The following MEIKIN variants were observed in gnomAD, a reference collection of about 807,000 sequenced individuals.
The protein encoded by MEIKIN is meiotic kinetochore factor.
intron 5 of MEIKIN, among the ~76,000 whole-genome samples, chr5:131,928,568 A>G (rs1033935229): frequency 6.6e-6 from 1 of 152,140 alleles, no homozygotes; most frequent in African/African-American, 2.4e-5. Flanking sequence ...CACAATTTAT[A>G]TATTTTATGT....
chr5:131,845,366 A>T (rs889815486), intron 11 of MEIKIN, among the ~76,000 whole-genome samples: 1 of 151,356 alleles, frequency 6.6e-6, no homozygotes. Context: ...ATATTCAAAC[A>T]TCCAGTTTTT....
chr5:131,881,367 T>C (rs1404538717), intron 8 of MEIKIN, among the ~76,000 whole-genome samples: 1 of 152,188 alleles, frequency 6.6e-6, no homozygotes, highest in East Asian at 1.9e-4. Context: ...CTGGTTTTCC[T>C]ACTACAGCAC....
At chr5:131,863,866 T>C in intron 9 of MEIKIN, among the ~76,000 whole-genome samples, 1 of 152,154 alleles carries the variant, frequency 6.6e-6, no homozygotes, top group East Asian at 1.9e-4. Flanking sequence ...GCACAAGCTC[T>C]CTCTGCCTGC....
intron 11 of MEIKIN, among the ~76,000 whole-genome samples, chr5:131,843,497 G>A (rs1417702637): frequency 1.3e-5 from 2 of 152,210 alleles, no homozygotes; most frequent in Non-Finnish European, 2.9e-5. Flanking sequence ...GCCAAGCCAC[G>A]TCTTGAATGC....
chr5:131,932,170 G>A (rs1473269899), intron 5 of MEIKIN, among the ~76,000 whole-genome samples: 1 of 152,192 alleles, frequency 6.6e-6, no homozygotes. Context: ...CATTGGGTGA[G>A]CAGATCCCAT....
At chr5:131,874,299 A>C (rs951113756) in intron 9 of MEIKIN, among the ~76,000 whole-genome samples, 3 of 152,238 alleles carry the variant, frequency 2.0e-5, no homozygotes, top group Admixed American at 2.0e-4. Context: ...TGCAATAGAA[A>C]ATGATAAAGG....
At chr5:131,893,413 G>C (rs1007804488) in intron 8 of MEIKIN, among the ~76,000 whole-genome samples, 6 of 152,242 alleles carry the variant, frequency 3.9e-5, no homozygotes, top group African/African-American at 7.2e-5. Flanking sequence ...TAATCTCCTG[G>C]TGTGCCATTT....
At chr5:131,902,339 G>A (rs546353207) in intron 8 of MEIKIN, among the ~76,000 whole-genome samples, 3 of 152,192 alleles carry the variant, frequency 2.0e-5, no homozygotes, top group African/African-American at 4.8e-5. Flanking sequence ...AGGCTGAAGT[G>A]GGAGGATCAC....
rs895432753 is a variant in MEIKIN, at chr5:131,945,639, G to C, written c.-134C>G. ...CGGAGCAGCCTCACAGCAACTAATC[G>C]AGCGAAAGCAAAAGCCCCAGAACTG... On this transcript the variant is annotated 5_prime_UTR_variant, in exon 1 of 13. Transcript: ENST00000442687. The C allele has an allele frequency of 2.5e-5, 10 of 395,960 alleles. No individual in the cohort carries two copies. Among genetic ancestry groups the C allele is most frequent in the African/African-American group, 1.4e-4 (7 of 48,590 alleles). The allele number at this position is 395,960 out of a possible 1,614,324, so 24.5% of individuals were successfully genotyped here. A position where few individuals can be genotyped will look rare whatever the true frequency, so the allele number is the denominator to read the frequency against.
At chr5:131,901,243 A>C (rs181508133) in intron 8 of MEIKIN, among the ~76,000 whole-genome samples, 3 of 152,162 alleles carry the variant, frequency 2.0e-5, no homozygotes, top group African/African-American at 7.2e-5. Flanking sequence ...CATTGGCACA[A>C]AACTATATAG....
Position 131,945,259 on chromosome 5 carries a change from G to A in MEIKIN, c.107-10C>T, listed in dbSNP as rs1201804436. ...CCTTTTCTCTTCGAACCTGAGAGAG[G>A]GCGGCACGTTTCAGGGCAAGAAACC... On this transcript the variant is annotated splice_polypyrimidine_tract_variant and intron_variant, in intron 1 of 12. Transcript: ENST00000442687. The A allele has an allele frequency of 1.8e-5, 7 of 399,158 alleles. No homozygotes were observed. Among genetic ancestry groups the A allele is most frequent in the Non-Finnish European group, 3.1e-5 (7 of 226,138 alleles). The allele number at this position is 399,158 out of a possible 1,614,324, so 24.7% of individuals were successfully genotyped here. A position where few individuals can be genotyped will look rare whatever the true frequency, so the allele number is the denominator to read the frequency against.
At chr5:131,906,835 G>A (rs2149641515) in intron 8 of MEIKIN, among the ~76,000 whole-genome samples, 1 of 152,208 alleles carries the variant, frequency 6.6e-6, no homozygotes, top group East Asian at 1.9e-4. Flanking sequence ...TGGACAGAAA[G>A]AAGGAACAAC....
At chr5:131,926,776 T>G (rs1201037084) in intron 5 of MEIKIN, among the ~76,000 whole-genome samples, 1 of 152,198 alleles carries the variant, frequency 6.6e-6, no homozygotes, top group East Asian at 1.9e-4. Context: ...AGGAATTTCT[T>G]CTTTCCTTCT....
At chr5:131,885,347 G>C (rs1376784118) in intron 8 of MEIKIN, among the ~76,000 whole-genome samples, 1 of 1,636 alleles carries the variant, frequency 6.1e-4, no homozygotes, top group Non-Finnish European at 1.9e-3. Context: ...CTGAAAGAGA[G>C]AGAGAGAGAG....
chr5:131,916,854 A>G, intron 7 of MEIKIN, 32 bp downstream of exon 7: 2 of 396,974 alleles, frequency 5.0e-6, no homozygotes, highest in Non-Finnish European at 8.9e-6. Flanking sequence ...GGGTTTCAGA[A>G]GCTCAACAAT....
At position 131,941,142 on chromosome 5, in the gene MEIKIN, C is replaced by CTTTTT. The variant is rs397999274; in HGVS notation, c.349+1488_349+1492dup. The stretch of plus-strand genomic sequence containing the variant: ...TTGACAATTCCTTCAAGATCTCTTC[C>CTTTTT]TTTTTTTTTTTTTTTTTTTTTTTTT... On this transcript the variant is annotated intron_variant, in intron 4 of 12. Transcript: ENST00000442687. Among the ~76,000 whole-genome samples, 359 of 59,740 alleles carry CTTTTT rather than the reference C, an allele frequency of 6.0e-3. 35 individuals carry two copies. Among genetic ancestry groups the CTTTTT allele is most frequent in the African/African-American group, 9.4e-3 (123 of 13,118 alleles). The allele number at this position is 59,740 out of a possible 152,430, so 39.2% of individuals were successfully genotyped here.
chr5:131,857,370 A>G (rs1750213218), intron 9 of MEIKIN, among the ~76,000 whole-genome samples: 1 of 152,220 alleles, frequency 6.6e-6, no homozygotes, highest in African/African-American at 2.4e-5. Flanking sequence ...CAGGTGGAGC[A>G]GGATGGCCAG....
At chr5:131,884,922 C>T (rs1392394070) in intron 8 of MEIKIN, among the ~76,000 whole-genome samples, 1 of 151,822 alleles carries the variant, frequency 6.6e-6, no homozygotes, top group Non-Finnish European at 1.5e-5. Context: ...GTGGCCGTGG[C>T]CGCAGGGTGA....
At chr5:131,816,311 G>C (rs1773098099) in intron 12 of MEIKIN, among the ~76,000 whole-genome samples, 1 of 152,232 alleles carries the variant, frequency 6.6e-6, no homozygotes, top group Admixed American at 6.5e-5. Context: ...ACTAATCTAA[G>C]CGTTGCTGTG....
Sources: allele counts gnomAD v4.1 joint callset (sites outside exome capture counted in the v4.1 genomes callset), GRCh38; gene constraint gnomAD v4.1.1; transcripts MANE v1.5; gene names NCBI Gene and HGNC (gene_info 2026-07-23, HGNC 2026-07-21).